The following SVIL variants were observed in gnomAD, a reference collection of about 807,000 sequenced individuals.
SVIL encodes supervillin.
In SVIL, 101 loss-of-function variants were observed where a neutral mutation model predicts 240.4. That is an observed-to-expected ratio of 0.42 (90% confidence interval 0.36 to 0.50). SVIL has a LOEUF of 0.50. Ranked by LOEUF, SVIL falls within the 20% of genes least tolerant of loss-of-function variation. The pLI is 0.01. For missense variants in SVIL, 2,512 were observed against 2,818.7 expected (o/e 0.89, Z 2.46); for synonymous variants, 999 against 1,100.0 (o/e 0.91, Z 1.82).
intron 3 of SVIL, among the ~76,000 whole-genome samples, chr10:29,642,139 C>T (rs1025217323): frequency 6.6e-6 from 1 of 152,106 alleles, no homozygotes; most frequent in Non-Finnish European, 1.5e-5. Context: ...TGGCTCATGC[C>T]TATAATCCCA....
At chr10:29,593,951 A>C (rs1956484029) in intron 1 of SVIL, among the ~76,000 whole-genome samples, 3 of 152,170 alleles carry the variant, frequency 2.0e-5, no homozygotes, top group Admixed American at 2.0e-4. Context: ...GGTGGAGCAC[A>C]GTGGAGTTTT....
rs1205726094 is a variant in SVIL, at chr10:29,467,871, G to C, written c.5848C>G (p.Pro1950Ala). 1 of 1,614,136 alleles carries C rather than the reference G, an allele frequency of 6.2e-7. No individual in the cohort carries two copies. The highest frequency in any genetic ancestry group is 2.2e-5 in the East Asian group (1 of 44,882). ...CTACTATGCAGTCCTGCTTCCAGGG[G>C]ACATCTGCAAGGGAGAAACTCCAAG... The part of the protein sequence containing the change: ...TAANKIKEQC[P>A]LEAGLHSSSK... The change falls in exon 33 of 38, where the codon CCC becomes GCC. Residue 1950 changes from proline (P) to alanine (A), a missense_variant. Physicochemically the swap from Pro to Ala is conservative, Grantham distance 27. Transcript: ENST00000355867.
At chr10:29,643,767 G>A (rs890052683) in intron 3 of SVIL, among the ~76,000 whole-genome samples, 4 of 152,054 alleles carry the variant, frequency 2.6e-5, no homozygotes, top group Non-Finnish European at 4.4e-5. Context: ...GAGCTCCAAG[G>A]TCATCTGTAA....
intron 33 of SVIL, among the ~76,000 whole-genome samples, chr10:29,466,746 A>G (rs1944973221): frequency 6.6e-6 from 1 of 152,232 alleles, no homozygotes; most frequent in Non-Finnish European, 1.5e-5. Context: ...GTTACAAAAC[A>G]GTAGATCCAC....
intron 6 of SVIL, among the ~76,000 whole-genome samples, chr10:29,544,560 G>A (rs770171708): frequency 1.3e-5 from 2 of 151,956 alleles, no homozygotes; most frequent in Non-Finnish European, 2.9e-5. Context: ...TTCCAGACCA[G>A]CCTGGGCAAC....
At chr10:29,726,820 C>G (rs938419028) in intron 1 of SVIL, among the ~76,000 whole-genome samples, 9 of 152,164 alleles carry the variant, frequency 5.9e-5, no homozygotes, top group Admixed American at 2.6e-4. Flanking sequence ...GCCTGGCAAA[C>G]AGTGGACAGT....
At chr10:29,580,171 A>T (rs537727458) in intron 1 of SVIL, among the ~76,000 whole-genome samples, 1 of 151,692 alleles carries the variant, frequency 6.6e-6, no homozygotes, top group African/African-American at 2.4e-5. Flanking sequence ...TCTACAAAAA[A>T]TTTAAAAAAA....
chr10:29,721,905 G>C (rs1044389610), intron 1 of SVIL, among the ~76,000 whole-genome samples: 3 of 152,118 alleles, frequency 2.0e-5, no homozygotes, highest in Non-Finnish European at 4.4e-5. Flanking sequence ...GGCTAACCAG[G>C]AGTTAGAGAA....
Position 29,523,543 on chromosome 10 carries a change from T to C in SVIL, c.3071A>G (p.Asn1024Ser). Reference protein sequence around the residue: ...EPKEFSMAKMNAQGNLDLRDR... With the variant: ...EPKEFSMAKMSAQGNLDLRDR... ...CCTCAAGTCCAAGTTTCCTTGTGCA[T>C]TCATTTTAGCCATGGAAAATTCCTT... The change falls in exon 15 of 38, where the codon AAT (asparagine) becomes AGT (serine). Residue 1024 changes from asparagine (N) to serine (S), a missense_variant. Asn to Ser is a conservative substitution (Grantham distance 46, BLOSUM62 1). Transcript: ENST00000355867. The C allele has an allele frequency of 6.2e-7, 1 of 1,614,226 alleles. No homozygotes were observed. Among genetic ancestry groups the C allele is most frequent in the South Asian group, 1.1e-5 (1 of 91,088 alleles).
chr10:29,582,858 C>T (rs967625201), intron 1 of SVIL, among the ~76,000 whole-genome samples: 1 of 152,102 alleles, frequency 6.6e-6, no homozygotes, highest in Non-Finnish European at 1.5e-5. Flanking sequence ...TGCGGGGGCC[C>T]ATGCCTCTCC....
intron 3 of SVIL, among the ~76,000 whole-genome samples, chr10:29,562,236 T>G (rs1038282069): frequency 6.6e-6 from 1 of 152,204 alleles, no homozygotes; most frequent in Non-Finnish European, 1.5e-5. Context: ...TCATTCCTTG[T>G]GCTAGTGTTA....
At chr10:29,681,535 G>A (rs1173892670) in intron 2 of SVIL, among the ~76,000 whole-genome samples, 1 of 151,946 alleles carries the variant, frequency 6.6e-6, no homozygotes, top group Admixed American at 6.6e-5. Context: ...CCTCTTGACT[G>A]TCTCAAAAGT....
In SVIL at chr10:29,550,648, G is replaced by A. The variant is rs757078770; in HGVS notation, c.776C>T (p.Ser259Phe). The A allele has an allele frequency of 5.6e-6, 9 of 1,613,872 alleles. No individual in the cohort carries two copies. In the East Asian group the frequency reaches 2.0e-4, roughly 36 times the overall value. Residue 259 changes from serine (S) to phenylalanine (F), a missense_variant, in exon 6 of 38, where the codon TCC (serine) becomes TTC (phenylalanine). Physicochemically the swap from Ser to Phe is radical, Grantham distance 155. This residue lies in a region of SVIL where 1,443 missense variants were observed against 1,486.6 expected (regional missense o/e 0.97). Transcript: ENST00000355867. ...AHSSSLQQAA[S>F]RSPSFGDPQL... Reference sequence around the variant, plus strand: ...TGGGTCACCAAAGGAGGGGCTCCGGGAGGCTGCCTGCTGCAGGGAGGAGCT... The same window carrying A: ...TGGGTCACCAAAGGAGGGGCTCCGGAAGGCTGCCTGCTGCAGGGAGGAGCT...
chr10:29,532,521 T>A lies in SVIL; in HGVS notation c.1838+8A>T. On this transcript the variant is annotated splice_region_variant and intron_variant, in intron 8 of 37. Coordinates refer to ENST00000355867, the MANE Select transcript of SVIL (RefSeq NM_021738.3). ...ACACAGCTGGAGGGCGTGTGAAGCA[T>A]CACCTACAGTTCAGGTCTCCTGCAG... is the stretch of plus-strand genomic sequence containing the variant. 1 of 1,598,994 alleles carries A rather than the reference T, an allele frequency of 6.3e-7. No individual in the cohort carries two copies. Among genetic ancestry groups the A allele is most frequent in the Non-Finnish European group, 8.6e-7 (1 of 1,169,406 alleles).
chr10:29,519,961 A>G (rs1950457643), intron 16 of SVIL, among the ~76,000 whole-genome samples: 1 of 145,404 alleles, frequency 6.9e-6, no homozygotes, highest in Non-Finnish European at 1.5e-5. Flanking sequence ...CAAGCTAAGA[A>G]GCTACGTCTT....
intron 1 of SVIL, among the ~76,000 whole-genome samples, chr10:29,692,009 CAG>C (rs766825181): frequency 6.6e-6 from 1 of 152,198 alleles, no homozygotes. Context: ...ACACAGGAAA[CAG>C]GGGAATCCCT....
Position 29,614,513 on chromosome 10 carries a change from G to A in SVIL, c.-201+19907C>T, listed in dbSNP as rs1957363539. ...AGGATGAGTTCATGTCCTTTGCAGG[G>A]ACATGGATGAAGCTGGAAACCATCA... On this transcript the variant is annotated intron_variant, in intron 1 of 37. Transcript: ENST00000355867. Among the ~76,000 whole-genome samples, 7 of 152,256 alleles carry A rather than the reference G, an allele frequency of 4.6e-5. No homozygotes were observed. The South Asian group carries it at 1.5e-3, about 32-fold the overall frequency.
chr10:29,580,063 T>A (rs1046682374), intron 1 of SVIL, among the ~76,000 whole-genome samples: 20 of 152,058 alleles, frequency 1.3e-4, no homozygotes, highest in Non-Finnish European at 2.6e-4. Context: ...TGGTGGTGGC[T>A]TATGCCTGTA....
chr10:29,539,715 C>G (rs571779919), intron 6 of SVIL, among the ~76,000 whole-genome samples: 1 of 152,284 alleles, frequency 6.6e-6, no homozygotes, highest in African/African-American at 2.4e-5. Flanking sequence ...GCTGAGTTCT[C>G]CTCCTCACCC....
Sources: gnomAD v4.1 joint callset for allele counts (sites outside exome capture counted in the v4.1 genomes callset) on GRCh38, gnomAD v4.1.1 for gene constraint, gnomAD v4.1.1 regional missense constraint, MANE v1.5 for transcripts, NCBI Gene and HGNC (gene_info 2026-07-23, HGNC 2026-07-21) for gene names.